Variants in CNTN4 observed in about 807,000 individuals in gnomAD.
The protein encoded by CNTN4 is contactin 4, also known as contactin-4.
Under a neutral mutation model 122.5 loss-of-function variants are expected in CNTN4, and 77 were observed. The observed-to-expected ratio is 0.63, with a 90% CI of 0.52 to 0.76. CNTN4 has a LOEUF of 0.76. Ranked by LOEUF, CNTN4 falls within the 30% of genes least tolerant of loss-of-function variation. The pLI, the probability that CNTN4 is intolerant of heterozygous loss-of-function variation, is 0.00. For missense variants in CNTN4, 1,256 were observed against 1,259.1 expected (o/e 1.00, Z 0.04); for synonymous variants, 512 against 447.0 (o/e 1.15, Z -1.83).
At chr3:2,374,852 C>T (rs895466288) in intron 3 of CNTN4, among the ~76,000 whole-genome samples, 3 of 152,114 alleles carry the variant, frequency 2.0e-5, no homozygotes, top group Non-Finnish European at 2.9e-5. Flanking sequence ...ATGCTAATCA[C>T]GTGTCACTGG....
rs114614820 is a variant in CNTN4 at position 2,867,757 on chromosome 3, A to G, written c.652+808A>G. 4.9e-3 allele frequency among the ~76,000 whole-genome samples: 744 copies of G among 151,946 alleles called. 5 individuals carry two copies. The highest frequency in any genetic ancestry group is 0.017 in the African/African-American group (692 of 41,468). The stretch of plus-strand genomic sequence containing the variant: ...GCCACCCAACCATGCTGCGTCAGGT[A>G]CCTACTGTATCGAGTCTACGACCAT... On this transcript the variant is annotated intron_variant, in intron 8 of 24. Coordinates refer to ENST00000418658, the MANE Select transcript of CNTN4 (RefSeq NM_175607.3).
At position 2,994,615 on chromosome 3, in the gene CNTN4, G is replaced by A. The variant is rs369741560; in HGVS notation, c.1486+6143G>A. On this transcript the variant is annotated intron_variant, in intron 14 of 24. Transcript: ENST00000418658. ...TTTTCATATATATATATATATATAT[G>A]TGTGTATATATATATTTGTACCAGC... 1.4e-3 allele frequency among the ~76,000 whole-genome samples: 154 copies of A among 113,890 alleles called. 2 individuals are homozygous for A. The highest frequency in any genetic ancestry group is 4.4e-3 in the Middle Eastern group (1 of 228). 74.7% of individuals were successfully genotyped at this position (113,890 alleles called of 152,430 possible).
At chr3:3,001,841 A>G (rs535507057) in intron 14 of CNTN4, among the ~76,000 whole-genome samples, 5 of 152,322 alleles carry the variant, frequency 3.3e-5, no homozygotes, top group Non-Finnish European at 5.9e-5. Flanking sequence ...AATGCTGTAC[A>G]TGATTCTACA....
rs115535612 is a variant in CNTN4 at position 2,664,596 on chromosome 3, T to C, written c.56-71619T>C. 8.4e-3 allele frequency among the ~76,000 whole-genome samples: 1,287 copies of C among 152,316 alleles called. 20 individuals carry two copies. The highest frequency in any genetic ancestry group is 0.03 in the African/African-American group (1,230 of 41,566). ...GGTTATATAGTCAATATCTAGACTTTCAGCCATGCCTGGGACCCAAAGTGA... is the reference window on the plus strand; with the variant it reads ...GGTTATATAGTCAATATCTAGACTTCCAGCCATGCCTGGGACCCAAAGTGA... On this transcript the variant is annotated intron_variant, in intron 4 of 24. Transcript: ENST00000418658.
intron 3 of CNTN4, among the ~76,000 whole-genome samples, chr3:2,548,903 G>A (rs1189073769): frequency 1.3e-5 from 2 of 152,012 alleles, no homozygotes; most frequent in African/African-American, 4.8e-5. Flanking sequence ...TCCCTTGTAA[G>A]GTGTATTCCT....
chr3:2,781,794 T>C (rs12489800), intron 6 of CNTN4, among the ~76,000 whole-genome samples: 2 of 132,790 alleles, frequency 1.5e-5, no homozygotes, highest in Non-Finnish European at 3.1e-5. Flanking sequence ...GCGCGATCTC[T>C]GCTCACTGCA....
chr3:2,822,891 A>G (rs2092907391), intron 7 of CNTN4, among the ~76,000 whole-genome samples: 1 of 152,226 alleles, frequency 6.6e-6, no homozygotes, highest in Admixed American at 6.5e-5. Flanking sequence ...GGTGAAAGAC[A>G]AGGAAATAAA....
At chr3:2,571,067 T>A (rs78715877) in intron 3 of CNTN4, among the ~76,000 whole-genome samples, 1 of 147,112 alleles carries the variant, frequency 6.8e-6, no homozygotes, top group African/African-American at 2.5e-5. Flanking sequence ...GCTTTTTTTT[T>A]AACTAATTGG....
In CNTN4 at chr3:2,148,364, T is replaced by C. The variant is rs183077648; in HGVS notation, c.-145+47725T>C. ...GCCTGGGCATTATAGGGGTACCCTG[T>C]CTCTACAGAAAATAAAAAAAAAAAA... On this transcript the variant is annotated intron_variant, in intron 2 of 24. Coordinates refer to ENST00000418658, the MANE Select transcript of CNTN4 (RefSeq NM_175607.3). Among the ~76,000 whole-genome samples the C allele has an allele frequency of 1.8e-3, 277 of 151,534 alleles. 1 individual carries two copies. Among genetic ancestry groups the C allele is most frequent in the African/African-American group, 6.5e-3 (268 of 41,276 alleles).
intron 22 of CNTN4, 54 bp from the exon 23 acceptor site, chr3:3,043,538 G>A (rs1409367533): frequency 1.5e-6 from 2 of 1,327,984 alleles, no homozygotes; most frequent in African/African-American, 1.4e-5. Context: ...ATATTCCTCA[G>A]AATCCATTGA....
At position 3,047,046 on chromosome 3, in the gene CNTN4, G is replaced by C. The variant is rs1218106157; in HGVS notation, c.2811+3342G>C. 2.7e-4 allele frequency among the ~76,000 whole-genome samples: 41 copies of C among 150,024 alleles called. 1 individual carries two copies. Among genetic ancestry groups the C allele is most frequent in the Non-Finnish European group, 3.9e-4 (26 of 67,516 alleles). On this transcript the variant is annotated intron_variant, in intron 23 of 24. Transcript: ENST00000418658. ...AGACAAAGAAGGCCATTACATAATGGTAAAGGGATCAATTCAACAAGAAGA... is the reference window on the plus strand; with the variant it reads ...AGACAAAGAAGGCCATTACATAATGCTAAAGGGATCAATTCAACAAGAAGA...
chr3:2,602,783 T>A (rs1165321291), intron 4 of CNTN4, among the ~76,000 whole-genome samples: 1 of 152,200 alleles, frequency 6.6e-6, no homozygotes, highest in Non-Finnish European at 1.5e-5. Context: ...TAATAATACA[T>A]GAAGAAGCAG....
chr3:2,590,338 C>A (rs937650933), intron 4 of CNTN4, among the ~76,000 whole-genome samples: 2 of 152,116 alleles, frequency 1.3e-5, no homozygotes, highest in Non-Finnish European at 2.9e-5. Flanking sequence ...CTCACTGTAA[C>A]CTACGCCTCC....
chr3:2,672,980 A>G (rs1035002586), intron 4 of CNTN4, among the ~76,000 whole-genome samples: 3 of 152,172 alleles, frequency 2.0e-5, no homozygotes, highest in African/African-American at 7.2e-5. Flanking sequence ...TAACTACAAT[A>G]ATAGATATTC....
intron 2 of CNTN4, among the ~76,000 whole-genome samples, chr3:2,221,384 C>G (rs953831353): frequency 6.6e-6 from 1 of 151,876 alleles, no homozygotes; most frequent in East Asian, 1.9e-4. Context: ...CTACCTCACA[C>G]CATATACAAA....
chr3:2,968,845 G>A (rs1316645505), intron 13 of CNTN4, among the ~76,000 whole-genome samples: 1 of 152,100 alleles, frequency 6.6e-6, no homozygotes, highest in Non-Finnish European at 1.5e-5. Flanking sequence ...ATCATCTATG[G>A]ACACACAGAT....
At chr3:2,426,985 C>T (rs192909071) in intron 3 of CNTN4, among the ~76,000 whole-genome samples, 98 of 152,080 alleles carry the variant, frequency 6.4e-4, no homozygotes, top group African/African-American at 1.9e-3. Flanking sequence ...GTCTTGCTAG[C>T]GGTCTATCAC....
chr3:3,034,691 C>T lies in CNTN4; in HGVS notation c.1843C>T (p.Leu615Phe). ...IDEITDTTAQ[L>F]SWRPGPDNHS... The stretch of plus-strand genomic sequence containing the variant: ...CGAAATCACAGATACCACTGCTCAG[C>T]TCTCCTGGAGACCCGGGCCTGACAA... Residue 615 changes from leucine (L) to phenylalanine (F), a missense_variant, in exon 17 of 25, where the codon CTC becomes TTC. Leu to Phe is a conservative substitution (Grantham distance 22, BLOSUM62 0). Coordinates refer to ENST00000418658, the MANE Select transcript of CNTN4 (RefSeq NM_175607.3). 6.2e-7 allele frequency: 1 copy of T among 1,614,124 alleles called. No individual in the cohort carries two copies. The highest frequency in any genetic ancestry group is 8.5e-7 in the Non-Finnish European group (1 of 1,180,004).
intron 3 of CNTN4, among the ~76,000 whole-genome samples, chr3:2,342,151 C>T (rs1047622697): frequency 1.1e-4 from 17 of 152,156 alleles, no homozygotes; most frequent in Non-Finnish European, 1.9e-4. Flanking sequence ...TACTTGAATT[C>T]CTGCATGTAA....
Sources: gnomAD v4.1 joint callset for allele counts (sites outside exome capture counted in the v4.1 genomes callset) on GRCh38, gnomAD v4.1.1 for gene constraint, MANE v1.5 for transcripts, NCBI Gene and HGNC (gene_info 2026-07-23, HGNC 2026-07-21) for gene names.